Variants in SUFU observed in about 807,000 individuals in gnomAD.
SUFU encodes suppressor of fused homolog.
A neutral mutation model predicts 58.9 loss-of-function variants in SUFU; 7 were observed. The ratio of observed to expected loss-of-function variants is 0.12; its 90% confidence interval spans 0.07 to 0.22. The LOEUF is 0.22. Ranked by LOEUF, SUFU falls within the 10% of genes least tolerant of loss-of-function variation. The pLI, the probability that SUFU is intolerant of heterozygous loss-of-function variation, is 1.00. For synonymous variants in SUFU, 232 were observed against 254.8 expected (o/e 0.91, Z 0.85); for missense variants, 451 against 641.3 (o/e 0.70, Z 3.20).
intron 9 of SUFU, among the ~76,000 whole-genome samples, 198 bp downstream of exon 9, chr10:102,615,600 A>G (rs1289330949): frequency 2.0e-5 from 3 of 152,154 alleles, no homozygotes; most frequent in Non-Finnish European, 4.4e-5. Flanking sequence ...ACACCTAAGC[A>G]GGCTGGGTCT....
At chr10:102,579,932 C>A in intron 3 of SUFU, 1 of 884,278 alleles carries the variant, frequency 1.1e-6, no homozygotes, top group South Asian at 5.2e-5. Flanking sequence ...TGGTCACCAT[C>A]TGCGCCATTT....
intron 3 of SUFU, among the ~76,000 whole-genome samples, chr10:102,568,921 CACATATATATATATATATATATAT>C (rs748046725): frequency 0.049 from 461 of 9,504 alleles, 27 homozygotes; most frequent in Non-Finnish European, 0.054. Context: ...TATATATATA[CACATATATATATATATATATATAT>C]ATATATATAT....
intron 2 of SUFU, among the ~76,000 whole-genome samples, chr10:102,524,258 G>A (rs2062583248): frequency 6.6e-6 from 1 of 150,780 alleles, no homozygotes; most frequent in South Asian, 2.1e-4. Flanking sequence ...CTTCTGTCTT[G>A]CCTCCTAAAG....
intron 3 of SUFU, among the ~76,000 whole-genome samples, chr10:102,571,539 A>C (rs2063161094): frequency 6.6e-6 from 1 of 152,138 alleles, no homozygotes; most frequent in Non-Finnish European, 1.5e-5. Context: ...ACAAACAAAA[A>C]ATTAGCCAGG....
intron 2 of SUFU, among the ~76,000 whole-genome samples, chr10:102,520,322 A>T (rs1231851000): frequency 9.0e-5 from 13 of 144,188 alleles, no homozygotes; most frequent in African/African-American, 3.4e-4. Context: ...GGTTCAAGTG[A>T]TTCTCCTGCC....
chr10:102,541,697 C>CTTTTTT (rs869264798), intron 2 of SUFU, among the ~76,000 whole-genome samples: 4 of 56,094 alleles, frequency 7.1e-5, no homozygotes, highest in Non-Finnish European at 9.2e-5. Context: ...CCGCGCCCGG[C>CTTTTTT]TTTTTTTTTT....
At chr10:102,585,503 G>A (rs955902280) in intron 3 of SUFU, among the ~76,000 whole-genome samples, 6 of 152,020 alleles carry the variant, frequency 3.9e-5, no homozygotes, top group African/African-American at 1.4e-4. Context: ...TGGGTTTTCT[G>A]TTTTCTTTTC....
intron 2 of SUFU, among the ~76,000 whole-genome samples, chr10:102,547,857 G>A (rs2135738149): frequency 6.6e-6 from 1 of 151,896 alleles, no homozygotes; most frequent in East Asian, 1.9e-4. Context: ...AAGAAAGAGA[G>A]AAAGAAAGAG....
At chr10:102,559,208 C>T (rs951777094) in intron 3 of SUFU, among the ~76,000 whole-genome samples, 8 of 152,206 alleles carry the variant, frequency 5.3e-5, no homozygotes, top group East Asian at 3.8e-4. Context: ...GAACCGCCCT[C>T]ATTGGTGTCC....
intron 6 of SUFU, among the ~76,000 whole-genome samples, chr10:102,596,083 G>T (rs2063459247): frequency 6.6e-6 from 1 of 152,130 alleles, no homozygotes; most frequent in Non-Finnish European, 1.5e-5. Context: ...CCACAGCTTT[G>T]CCCAGGCCAG....
In SUFU at chr10:102,552,544, T is replaced by TCAACAA. The variant is rs1361233340; in HGVS notation, c.454+2438_454+2439insCAACAA. Reference sequence around the variant, plus strand: ...GAAACATGGCAGTTTAAATGCATTGTTGATCCTTGATTAGATCCTGAATTG... The same window carrying TCAACAA: ...GAAACATGGCAGTTTAAATGCATTGTCAACAATGATCCTTGATTAGATCCTGAATTG... On this transcript the variant is annotated intron_variant, in intron 3 of 11. Transcript: ENST00000369902. 5.3e-5 allele frequency among the ~76,000 whole-genome samples: 8 copies of TCAACAA among 152,342 alleles called. No homozygotes were observed. In the East Asian group the frequency reaches 1.5e-3, roughly 29 times the overall value.
At chr10:102,546,290 T>G (rs1366018382) in intron 2 of SUFU, among the ~76,000 whole-genome samples, 3 of 152,124 alleles carry the variant, frequency 2.0e-5, no homozygotes, top group Non-Finnish European at 4.4e-5. Flanking sequence ...TCTTATCTCA[T>G]CCTTCCTTTT....
rs1252125074 is a variant in SUFU, at chr10:102,630,095, T to C, written c.1395T>C (p.Pro465=). Reference sequence around the variant, plus strand: ...AACTTCCCAAAGAGTACAGCTGGCCTGAAAAGAAGCTGAAGGTCTCCATCC... The same window carrying C: ...AACTTCCCAAAGAGTACAGCTGGCCCGAAAAGAAGCTGAAGGTCTCCATCC... The part of the protein sequence containing the change: ...EFKLPKEYSW[P]EKKLKVSILP... Residue 465 remains proline, a synonymous_variant, in exon 12 of 12, where the codon CCT becomes CCC. Transcript: ENST00000369902. The C allele has an allele frequency of 6.2e-7, 1 of 1,614,034 alleles. No individual in the cohort carries two copies. The highest frequency in any genetic ancestry group is 8.5e-7 in the Non-Finnish European group (1 of 1,180,020).
chr10:102,585,382 G>A (rs2063326032), intron 3 of SUFU, among the ~76,000 whole-genome samples: 1 of 152,088 alleles, frequency 6.6e-6, no homozygotes, highest in African/African-American at 2.4e-5. Context: ...TAAGGTTCAT[G>A]TTATAGTATA....
At chr10:102,527,176 G>C (rs2062619131) in intron 2 of SUFU, among the ~76,000 whole-genome samples, 1 of 151,684 alleles carries the variant, frequency 6.6e-6, no homozygotes, top group Non-Finnish European at 1.5e-5. Context: ...CTAACTTTTT[G>C]TATTTTTAGT....
chr10:102,554,372 C>G (rs2062952060), intron 3 of SUFU, among the ~76,000 whole-genome samples: 1 of 152,136 alleles, frequency 6.6e-6, no homozygotes, highest in African/African-American at 2.4e-5. Context: ...CATTGCACTC[C>G]AGCTTGGGCA....
chr10:102,565,894 G>A (rs2063084137), intron 3 of SUFU, among the ~76,000 whole-genome samples: 1 of 152,172 alleles, frequency 6.6e-6, no homozygotes. Context: ...TTCACCCTCG[G>A]ACAAGGTCTC....
chr10:102,592,849 T>C, intron 4 of SUFU, 125 bp downstream of exon 4: 1 of 1,101,278 alleles, frequency 9.1e-7, no homozygotes, highest in South Asian at 1.3e-5. Flanking sequence ...TGATTTCTGT[T>C]TCCTCTGATG....
chr10:102,532,586 G>C (rs2062689004), intron 2 of SUFU, among the ~76,000 whole-genome samples: 1 of 152,170 alleles, frequency 6.6e-6, no homozygotes, highest in Admixed American at 6.6e-5. Flanking sequence ...CCTTTCCTTG[G>C]AGCTGTCAGG....
Sources: allele counts gnomAD v4.1 joint callset (sites outside exome capture counted in the v4.1 genomes callset), GRCh38; gene constraint gnomAD v4.1.1; transcripts MANE v1.5; gene names NCBI Gene and HGNC (gene_info 2026-07-23, HGNC 2026-07-21).